FAM135A: variants seen among roughly 807,000 people sequenced by gnomAD.
The protein encoded by FAM135A is family with sequence similarity 135 member A.
A neutral mutation model predicts 146.8 loss-of-function variants in FAM135A; 79 were observed. That is an observed-to-expected ratio of 0.54 (90% CI 0.45 to 0.65). FAM135A has a LOEUF of 0.65. FAM135A is among the 30% of genes least tolerant of loss of function. FAM135A has a pLI of 0.00. For missense variants in FAM135A, 1,623 were observed against 1,758.2 expected (o/e 0.92, Z 1.38); for synonymous variants, 562 against 603.6 (o/e 0.93, Z 1.01).
At chr6:70,491,119 T>C in intron 11 of FAM135A, 36 bp downstream of exon 11, 1 of 1,494,238 alleles carries the variant, frequency 6.7e-7, no homozygotes, top group Non-Finnish European at 9.2e-7. Flanking sequence ...CATCAAGTTA[T>C]TTGAGTGGTT....
Position 70,452,474 on chromosome 6 carries a change from T to C in FAM135A, c.78-18T>C. 6.4e-7 allele frequency: 1 copy of C among 1,570,016 alleles called. No individual in the cohort carries two copies. Among genetic ancestry groups the C allele is most frequent in the East Asian group, 2.3e-5 (1 of 43,414 alleles). ...TTAAATATGTTTTGAAATAACTTCC[T>C]TGTTTATTTTGCTTTAGTTTTTACC... is the stretch of plus-strand genomic sequence containing the variant. On this transcript the variant is annotated intron_variant, in intron 4 of 21. Coordinates refer to ENST00000418814, the MANE Select transcript of FAM135A (RefSeq NM_001162529.3).
intron 12 of FAM135A, among the ~76,000 whole-genome samples, chr6:70,506,780 A>G (rs564118540): frequency 2.0e-5 from 3 of 146,724 alleles, no homozygotes; most frequent in Non-Finnish European, 4.5e-5. Flanking sequence ...TAGTTCCCGC[A>G]AGCAGACAGG....
At chr6:70,496,912 T>C (rs1237075540) in intron 11 of FAM135A, among the ~76,000 whole-genome samples, 1 of 152,182 alleles carries the variant, frequency 6.6e-6, no homozygotes, top group Non-Finnish European at 1.5e-5. Context: ...ACTGTAGCCT[T>C]GCAGTGTAGT....
chr6:70,482,197 T>C (rs766143123), intron 10 of FAM135A, 43 bp downstream of exon 10: 1 of 1,591,102 alleles, frequency 6.3e-7, no homozygotes, highest in Non-Finnish European at 8.6e-7. Context: ...TTCAAATCAT[T>C]CTCTTCAGTC....
At chr6:70,536,144 C>A in intron 18 of FAM135A, 116 bp from the exon 19 acceptor site, 1 of 960,332 alleles carries the variant, frequency 1.0e-6, no homozygotes, top group South Asian at 2.1e-5. Flanking sequence ...TATACTTTTA[C>A]AACATTAGAA....
chr6:70,469,994 A>G (rs1231611459), intron 5 of FAM135A, among the ~76,000 whole-genome samples: 1 of 152,014 alleles, frequency 6.6e-6, no homozygotes, highest in Non-Finnish European at 1.5e-5. Context: ...CTGTCTCAAA[A>G]AAAAGTAGAA....
At chr6:70,464,664 TTTC>T (rs1450799437) in intron 5 of FAM135A, among the ~76,000 whole-genome samples, 11 of 107,626 alleles carry the variant, frequency 1.0e-4, no homozygotes, top group African/African-American at 2.4e-4. Flanking sequence ...CTTTCTTTTT[TTTC>T]TTTTTTTTTT....
At chr6:70,454,986 T>TG (rs1319096334) in intron 5 of FAM135A, among the ~76,000 whole-genome samples, 2 of 152,324 alleles carry the variant, frequency 1.3e-5, no homozygotes, top group African/African-American at 4.8e-5. Flanking sequence ...GTTAGCTTGA[T>TG]GGGGATGGCA....
At chr6:70,492,602 G>A (rs1212586522) in intron 11 of FAM135A, among the ~76,000 whole-genome samples, 2 of 150,230 alleles carry the variant, frequency 1.3e-5, no homozygotes, top group African/African-American at 4.9e-5. Flanking sequence ...CTAATGGTCA[G>A]TGCTCACAAT....
chr6:70,499,191 G>C (rs1176989653), intron 11 of FAM135A, among the ~76,000 whole-genome samples: 1 of 152,148 alleles, frequency 6.6e-6, no homozygotes, highest in Non-Finnish European at 1.5e-5. Context: ...AGGATAGTTA[G>C]CTCTTCTTGT....
intron 12 of FAM135A, among the ~76,000 whole-genome samples, chr6:70,505,373 G>T (rs1422767372): frequency 6.6e-6 from 1 of 152,026 alleles, no homozygotes; most frequent in African/African-American, 2.4e-5. Context: ...CAGTTTTCAT[G>T]TTCCTTTACT....
chr6:70,440,292 A>G (rs552653862), intron 4 of FAM135A, among the ~76,000 whole-genome samples: 10 of 152,306 alleles, frequency 6.6e-5, no homozygotes, highest in African/African-American at 2.2e-4. Flanking sequence ...CAGGTGTTAT[A>G]TCAACCTAAT....
At chr6:70,543,968 A>G (rs1224144033) in intron 20 of FAM135A, among the ~76,000 whole-genome samples, 1 of 152,208 alleles carries the variant, frequency 6.6e-6, no homozygotes, top group Admixed American at 6.5e-5. Context: ...TAGTTCAAAC[A>G]CTGACTAGGC....
chr6:70,440,458 G>A (rs1020672469), intron 4 of FAM135A, among the ~76,000 whole-genome samples: 8 of 152,050 alleles, frequency 5.3e-5, no homozygotes, highest in East Asian at 1.9e-4. Flanking sequence ...AGGCTGAAGC[G>A]GGAAGATCAC....
At chr6:70,541,544 C>T (rs1031252557) in intron 20 of FAM135A, among the ~76,000 whole-genome samples, 9 of 152,030 alleles carry the variant, frequency 5.9e-5, no homozygotes, top group Non-Finnish European at 1.2e-4. Context: ...TTCCTTGCCC[C>T]TTTATGAAAG....
chr6:70,420,043 T>C (rs1768464067), intron 2 of FAM135A, among the ~76,000 whole-genome samples: 1 of 152,174 alleles, frequency 6.6e-6, no homozygotes, highest in Non-Finnish European at 1.5e-5. Context: ...AGACTATCAG[T>C]ATTTTGGGCT....
intron 5 of FAM135A, among the ~76,000 whole-genome samples, chr6:70,460,909 C>T (rs1330988618): frequency 1.3e-5 from 2 of 149,010 alleles, no homozygotes; most frequent in Non-Finnish European, 3.0e-5. Context: ...CTGCAACCTC[C>T]GCCTCCTGGA....
intron 20 of FAM135A, among the ~76,000 whole-genome samples, chr6:70,551,694 C>T (rs1221357510): frequency 6.6e-6 from 1 of 152,012 alleles, no homozygotes; most frequent in Non-Finnish European, 1.5e-5. Context: ...TTGATCAGTC[C>T]ACTTCCCATA....
intron 21 of FAM135A, chr6:70,557,135 G>C (rs1309479672): frequency 1.9e-6 from 1 of 525,996 alleles, no homozygotes; most frequent in African/African-American, 1.9e-5. Context: ...CTGAATTAAT[G>C]GGATTGACAA....
Sources: gnomAD v4.1 joint callset for allele counts (sites outside exome capture counted in the v4.1 genomes callset) on GRCh38, gnomAD v4.1.1 for gene constraint, MANE v1.5 for transcripts, NCBI Gene and HGNC (gene_info 2026-07-23, HGNC 2026-07-21) for gene names.